Variants in SLC4A2 observed in about 807,000 individuals in gnomAD.
The protein encoded by SLC4A2 is anion exchange protein 2.
In SLC4A2, 36 loss-of-function variants were observed where a neutral mutation model predicts 115.0. The ratio of observed to expected loss-of-function variants is 0.31; its 90% CI spans 0.24 to 0.41. The LOEUF (loss-of-function observed/expected upper bound fraction) is 0.41. Among genes scored for constraint, SLC4A2 ranks in the 10% least tolerant of loss-of-function variants. The pLI is 1.00. For missense variants in SLC4A2, 1,252 were observed against 1,705.6 expected (o/e 0.73, Z 4.68); for synonymous variants, 708 against 708.3 (o/e 1.00, Z 0.01).
chr7:151,059,531 C>CCCGCTCCGGCCCCCGCTCCCGCCT (rs1796977269), upstream of SLC4A2: 1 of 150,496 alleles, frequency 6.6e-6, no homozygotes, highest in Non-Finnish European at 1.5e-5. This position sits in a 1 kb window ranked among gnomAD's most constrained non-coding sequence, Gnocchi z 5.8. Flanking sequence ...CGCCCCGGCC[C>CCCGCTCCGGCCCCCGCTCCCGCCT]CCGCTCCCGC....
chr7:151,060,273 T>A lies in SLC4A2; in HGVS notation c.-64+511T>A, dbSNP rs1797002029. 1 of 152,152 alleles carries A rather than the reference T, an allele frequency of 6.6e-6. No individual in the cohort carries two copies. The highest frequency in any genetic ancestry group is 2.4e-5 in the African/African-American group (1 of 41,348). 9.4% of individuals were successfully genotyped at this position (152,152 alleles called of 1,614,324 possible). A position where few individuals can be genotyped will look rare whatever the true frequency, so the allele number is the denominator to read the frequency against. Reference sequence around the variant, plus strand: ...GAATGGGAAAGATGAGCCCGGAGAGTTGGACCTGACTCCCGGGGTCGGTTT... The same window carrying A: ...GAATGGGAAAGATGAGCCCGGAGAGATGGACCTGACTCCCGGGGTCGGTTT... On this transcript the variant is annotated intron_variant, in intron 1 of 22. Coordinates refer to ENST00000413384, the MANE Select transcript of SLC4A2 (RefSeq NM_003040.4). The surrounding 1 kb of genome is among the most constrained non-coding windows in gnomAD (Gnocchi z 5.9).
rs1205957684 is a variant in SLC4A2 at position 151,074,084 on chromosome 7, T to C, written c.2581T>C (p.Ser861Pro). Reference protein sequence around the residue: ...PLHGCSASNSSEVDGGENMTW... With the variant: ...PLHGCSASNSPEVDGGENMTW... ...GCATGGCTGCTCAGCCTCCAACAGC[T>C]CAGAGGTGGACGGCGGTGAGAACAT... The change falls in exon 17 of 23, where the codon TCA becomes CCA. Residue 861 changes from serine (S) to proline (P), a missense_variant. Coordinates refer to ENST00000413384, the MANE Select transcript of SLC4A2 (RefSeq NM_003040.4). 1 of 1,606,730 alleles carries C rather than the reference T, an allele frequency of 6.2e-7. No individual in the cohort carries two copies. Among genetic ancestry groups the C allele is most frequent in the Middle Eastern group, 2.0e-4 (1 of 5,080 alleles).
rs1796992741 is a variant in SLC4A2, at chr7:151,059,927, G to A, written c.-64+165G>A. The A allele has an allele frequency of 6.6e-6, 1 of 152,194 alleles. No individual in the cohort carries two copies. The highest frequency in any genetic ancestry group is 6.5e-5 in the Admixed American group (1 of 15,270). The allele number at this position is 152,194 out of a possible 1,614,324, so 9.4% of individuals were successfully genotyped here. On this transcript the variant is annotated intron_variant, in intron 1 of 22. Transcript: ENST00000413384. This position sits in a 1 kb window ranked among gnomAD's most constrained non-coding sequence, Gnocchi z 5.8. ...GCGGTCTTGGGGAGAAGGATGGGGA[G>A]GCGGATGGAGTGCTGGTCGGAAGCG...
Position 151,062,041 on chromosome 7 carries a change from G to T in SLC4A2, c.51+3G>T. The T allele has an allele frequency of 6.2e-7, 1 of 1,610,116 alleles. No individual in the cohort carries two copies. ...AGGGCGCAGATTCTTTCTGTACGGT[G>T]AGTGTGGCCCCCAGGTCGCCAGCCC... On this transcript the variant is annotated splice_donor_region_variant and intron_variant, in intron 2 of 22. Transcript: ENST00000413384.
chr7:151,075,144 C>T (rs1797577768), intron 19 of SLC4A2, 111 bp from the exon 20 acceptor site: 2 of 1,412,710 alleles, frequency 1.4e-6, no homozygotes, highest in Non-Finnish European at 9.7e-7. Context: ...TGGACAGGGA[C>T]CGCCAGGTTC....
chr7:151,075,995 C>A lies in SLC4A2; in HGVS notation c.3472-18C>A, dbSNP rs925057368. ...CAGGCTAGGGAGGAAGCTGGGCTCA[C>A]CTGTCTCCGCCCCCCAGGTCCGGAC... On this transcript the variant is annotated intron_variant, in intron 21 of 22. Transcript: ENST00000413384. 7.7e-6 allele frequency: 12 copies of A among 1,567,294 alleles called. No homozygotes were observed. Among genetic ancestry groups the A allele is most frequent in the Non-Finnish European group, 1.0e-5 (12 of 1,156,244 alleles).
rs756556424 is a variant in SLC4A2 at position 151,071,473 on chromosome 7, C to T, written c.2059C>T (p.Arg687Ter). The T allele has an allele frequency of 6.2e-7, 1 of 1,611,708 alleles. No homozygotes were observed. Among genetic ancestry groups the T allele is most frequent in the East Asian group, 2.2e-5 (1 of 44,858 alleles). ...GGGGCGGCCCTTTGGGGGGCTGATC[C>T]GAGATGTGCGGCGCCGCTATCCCCA... ...RTGRPFGGLI[R>*]DVRRRYPHYL... is the part of the protein sequence containing the mutation. Residue 687 changes from arginine to a stop codon, truncating the protein, a stop_gained, in exon 14 of 23, where the codon CGA becomes TGA. Transcript: ENST00000413384. LOFTEE classifies it high-confidence loss of function. The surrounding 1 kb of genome is among the most constrained non-coding windows in gnomAD (Gnocchi z 5.5).
At chr7:151,064,816 G>T (rs897457413) in intron 4 of SLC4A2, 32 bp from the exon 5 acceptor site, 2 of 1,613,308 alleles carry the variant, frequency 1.2e-6, no homozygotes, top group African/African-American at 2.7e-5. Flanking sequence ...CCCTGGCCTG[G>T]TCACTCCTGC....
At chr7:151,067,834 C>T (rs757670651) in intron 7 of SLC4A2, 40 bp from the exon 8 acceptor site, 34 of 1,594,732 alleles carry the variant, frequency 2.1e-5, no homozygotes, top group South Asian at 3.3e-5. Context: ...GGGCTGCCTC[C>T]GGCTCTGTAC....
chr7:151,066,397 T>C, intron 5 of SLC4A2, 120 bp from the exon 6 acceptor site: 2 of 1,209,914 alleles, frequency 1.7e-6, no homozygotes, highest in South Asian at 3.2e-5. Flanking sequence ...CTCCCGGGAG[T>C]GGGAGCTAGG....
At chr7:151,073,335 G>A (rs997988892) in intron 16 of SLC4A2, among the ~76,000 whole-genome samples, 10 of 151,896 alleles carry the variant, frequency 6.6e-5, no homozygotes, top group African/African-American at 2.2e-4. Context: ...TGCCTAGGCT[G>A]GAGTGCAGTG....
In SLC4A2 at chr7:151,071,490, C is replaced by T; in HGVS notation, c.2076C>T (p.Arg692=). The T allele has an allele frequency of 3.1e-6, 5 of 1,613,362 alleles. No individual in the cohort carries two copies. Among genetic ancestry groups the T allele is most frequent in the Non-Finnish European group, 3.4e-6 (4 of 1,179,986 alleles). The change falls in exon 14 of 23, where the codon CGC becomes CGT. Residue 692 remains arginine (R), a synonymous_variant. Coordinates refer to ENST00000413384, the MANE Select transcript of SLC4A2 (RefSeq NM_003040.4). The surrounding 1 kb of genome is among the most constrained non-coding windows in gnomAD (Gnocchi z 5.5). ...GGCTGATCCGAGATGTGCGGCGCCG[C>T]TATCCCCACTACCTGAGTGACTTCC... is the stretch of plus-strand genomic sequence containing the variant. ...FGGLIRDVRR[R]YPHYLSDFRD...
intron 16 of SLC4A2, among the ~76,000 whole-genome samples, chr7:151,073,252 C>CTTTATTTTATTTTATTTTATTTTAT (rs3062437): frequency 1.0e-4 from 15 of 146,412 alleles, no homozygotes; most frequent in East Asian, 6.0e-4. Flanking sequence ...CCCAGTCCAT[C>CTTTATTTTATTTTATTTTATTTTAT]TTTATTTTAT....
intron 5 of SLC4A2, 149 bp from the exon 6 acceptor site, chr7:151,066,368 C>A: frequency 3.2e-6 from 3 of 931,160 alleles, no homozygotes; most frequent in Admixed American, 3.0e-5. Flanking sequence ...CAGAATCCTC[C>A]CCCTCCCCGT....
At position 151,074,795 on chromosome 7, in the gene SLC4A2, G is replaced by A. The variant is rs776189342; in HGVS notation, c.3001G>A (p.Ala1001Thr). The change falls in exon 19 of 23, where the codon GCC becomes ACC. Residue 1001 changes from alanine (A) to threonine (T), a missense_variant. Around this residue, in one of 14 missense-constraint regions of SLC4A2, gnomAD observed 253 missense variants for 407.4 expected, o/e 0.62. Coordinates refer to ENST00000413384, the MANE Select transcript of SLC4A2 (RefSeq NM_003040.4). The stretch of plus-strand genomic sequence containing the variant: ...GATGATGGTTGCCAGCCTGCTGCCC[G>A]CCATCCTGGTCTTCATTCTCATCTT... ...VWMMVASLLP[A>T]ILVFILIFME... The A allele has an allele frequency of 1.9e-6, 3 of 1,612,976 alleles. No individual in the cohort carries two copies. The highest frequency in any genetic ancestry group is 2.5e-6 in the Non-Finnish European group (3 of 1,179,590).
At position 151,066,893 on chromosome 7, in the gene SLC4A2, T is replaced by C; in HGVS notation, c.866T>C (p.Val289Ala). The change falls in exon 7 of 23, where the codon GTG becomes GCG. Residue 289 changes from valine (V) to alanine (A), a missense_variant. Val to Ala is a moderately conservative substitution (Grantham distance 64). This residue lies in a region of SLC4A2 where 42 missense variants were observed against 93.1 expected (regional missense o/e 0.45). Transcript: ENST00000413384. ...GTTCCTGGGGTGCGGCGGCACTTGG[T>C]GCGGAAGAATGCCAAAGGTTCCACA... ...EDVPGVRRHL[V>A]RKNAKGSTQS... is the part of the protein sequence containing the mutation. 6.2e-7 allele frequency: 1 copy of C among 1,613,596 alleles called. No homozygotes were observed. Among genetic ancestry groups the C allele is most frequent in the South Asian group, 1.1e-5 (1 of 91,042 alleles).
At chr7:151,058,393 G>A, upstream of SLC4A2, 1 of 166,840 alleles carries the variant, frequency 6.0e-6, no homozygotes, top group Admixed American at 5.7e-5. Flanking sequence ...ACCTCAGCAC[G>A]GGTTTCCACC....
chr7:151,071,225 A>G lies in SLC4A2; in HGVS notation c.1903A>G (p.Lys635Glu). The part of the protein sequence containing the change: ...SVAHFQRQML[K>E]KREEQGRLLP... ...GGCCCACTTCCAGCGCCAGATGCTC[A>G]AGAAGCGAGAGGAGCAGGGCCGGCT... is the stretch of plus-strand genomic sequence containing the variant. Residue 635 changes from lysine (K) to glutamate (E), a missense_variant, in exon 13 of 23, where the codon AAG becomes GAG. By Grantham distance (56) the Lys-to-Glu change is moderately conservative. This residue lies in a region of SLC4A2 where 122 missense variants were observed against 116.8 expected (regional missense o/e 1.04). Transcript: ENST00000413384. This position sits in a 1 kb window ranked among gnomAD's most constrained non-coding sequence, Gnocchi z 5.5. 6.3e-7 allele frequency: 1 copy of G among 1,589,794 alleles called. No individual in the cohort carries two copies. The highest frequency in any genetic ancestry group is 2.3e-5 in the East Asian group (1 of 43,294).
rs778358114 is a variant in SLC4A2 at position 151,068,069 on chromosome 7, C to T, written c.1147+15C>T. ...CCTGGCCCATGGTAACCCCGCTCCC[C>T]TCCACCTCCCGCCTGGCCAGTCCCC... is the stretch of plus-strand genomic sequence containing the variant. On this transcript the variant is annotated intron_variant, in intron 8 of 22. Coordinates refer to ENST00000413384, the MANE Select transcript of SLC4A2 (RefSeq NM_003040.4). 1.4e-5 allele frequency: 20 copies of T among 1,449,112 alleles called. No homozygotes were observed. The highest frequency in any genetic ancestry group is 9.0e-5 in the South Asian group (6 of 66,726). 89.8% of individuals were successfully genotyped at this position (1,449,112 alleles called of 1,614,324 possible).
Sources: allele counts gnomAD v4.1 joint callset (sites outside exome capture counted in the v4.1 genomes callset), GRCh38; gene constraint gnomAD v4.1.1; regional missense constraint gnomAD v4.1.1; non-coding constraint Gnocchi (gnomAD v3.1); transcripts MANE v1.5; gene names NCBI Gene and HGNC (gene_info 2026-07-23, HGNC 2026-07-21).